VWF: variants seen among roughly 807,000 people sequenced by gnomAD.
The protein encoded by VWF is von Willebrand factor, also known as Factor VIII related antigen.
Under a neutral mutation model 308.6 loss-of-function variants are expected in VWF, and 176 were observed. The ratio of observed to expected loss-of-function variants is 0.57; its 90% CI spans 0.50 to 0.65. VWF has a LOEUF of 0.65. Ranked by LOEUF, VWF falls within the 30% of genes least tolerant of loss-of-function variation. VWF has a pLI of 0.00. For missense variants in VWF, 3,146 were observed against 3,648.2 expected (o/e 0.86, Z 3.55); for synonymous variants, 1,385 against 1,443.4 (o/e 0.96, Z 0.92).
intron 34 of VWF, among the ~76,000 whole-genome samples, chr12:6,000,743 C>G (rs1943862698): frequency 7.4e-6 from 1 of 134,382 alleles, no homozygotes; most frequent in Non-Finnish European, 1.5e-5. Flanking sequence ...ACCTGGGAGG[C>G]GGAGCTTGCA....
chr12:6,075,080 A>G lies in VWF; in HGVS notation c.874+255T>C, dbSNP rs1337388500. Among the ~76,000 whole-genome samples, 1 of 124,134 alleles carries G rather than the reference A, an allele frequency of 8.1e-6. No individual in the cohort carries two copies. Among genetic ancestry groups the G allele is most frequent in the East Asian group, 2.6e-4 (1 of 3,774 alleles). The allele number at this position is 124,134 out of a possible 152,430, so 81.4% of individuals were successfully genotyped here. Reference sequence around the variant, plus strand: ...TGCAGGGGTCGGATTTCCTGAGGGAAGTCAGGGGGCGCCAGGGGAGGCGTG... The same window carrying G: ...TGCAGGGGTCGGATTTCCTGAGGGAGGTCAGGGGGCGCCAGGGGAGGCGTG... On this transcript the variant is annotated intron_variant, in intron 7 of 51. Transcript: ENST00000261405. The surrounding 1 kb of genome is among the most constrained non-coding windows in gnomAD (Gnocchi z 4.7).
chr12:5,964,290 A>ACATACATACATACATG (rs1943371631), intron 47 of VWF, among the ~76,000 whole-genome samples: 1 of 151,586 alleles, frequency 6.6e-6, no homozygotes, highest in African/African-American at 2.4e-5. Flanking sequence ...ATACATGCAT[A>ACATACATACATACATG]CATACATACA....
intron 16 of VWF, among the ~76,000 whole-genome samples, chr12:6,047,974 T>C (rs1375445401): frequency 6.6e-6 from 1 of 152,212 alleles, no homozygotes; most frequent in Non-Finnish European, 1.5e-5. Context: ...CAGGTGTGAA[T>C]ACCTGACCTG....
intron 7 of VWF, among the ~76,000 whole-genome samples, chr12:6,073,950 T>C (rs1286363098): frequency 1.3e-5 from 2 of 152,088 alleles, no homozygotes; most frequent in African/African-American, 4.8e-5. Flanking sequence ...GTGAGGCCCT[T>C]ACCAAGACCC....
intron 34 of VWF, among the ~76,000 whole-genome samples, chr12:6,009,507 C>A (rs1439389813): frequency 2.6e-5 from 4 of 151,776 alleles, no homozygotes; most frequent in African/African-American, 4.8e-5. Context: ...GAAATTGAAA[C>A]CCTTGTGCAT....
Position 6,018,604 on chromosome 12 carries a change from T to C in VWF, c.4814A>G (p.Tyr1605Cys). 2 of 1,614,146 alleles carry C rather than the reference T, an allele frequency of 1.2e-6. No homozygotes were observed. Among genetic ancestry groups the C allele is most frequent in the Non-Finnish European group, 1.7e-6 (2 of 1,180,006 alleles). ...GDREQAPNLVYMVTGNPASDE... is the reference protein window; with the variant it reads ...GDREQAPNLVCMVTGNPASDE... ...AGAGGCAGGATTTCCGGTGACCATG[T>C]AGACCAGGTTGGGCGCCTGCTCCCG... Residue 1605 changes from tyrosine (Y) to cysteine (C), a missense_variant, in exon 28 of 52, where the codon TAC becomes TGC. Physicochemically the swap from Tyr to Cys is radical, Grantham distance 194. Transcript: ENST00000261405.
At chr12:5,980,094 GGAAGGAAGGAAGGA>G (rs1943582594) in intron 42 of VWF, among the ~76,000 whole-genome samples, 1 of 8,184 alleles carries the variant, frequency 1.2e-4, no homozygotes, top group Non-Finnish European at 3.1e-4. Flanking sequence ...AAGAAAGAAA[GGAAGGAAGGAAGGA>G]AGGAAGGAAG....
rs1356836169 is a variant in VWF at position 6,092,673 on chromosome 12, G to GTGTGTGTGTGTGTGTGTGTA, written c.657+2786_657+2787insTACACACACACACACACACA. 8.4e-4 allele frequency among the ~76,000 whole-genome samples: 104 copies of GTGTGTGTGTGTGTGTGTGTA among 123,708 alleles called. 5 individuals are homozygous for GTGTGTGTGTGTGTGTGTGTA. Among genetic ancestry groups the GTGTGTGTGTGTGTGTGTGTA allele is most frequent in the Non-Finnish European group, 1.0e-3 (62 of 61,598 alleles). The allele number at this position is 123,708 out of a possible 152,430, so 81.2% of individuals were successfully genotyped here. ...TGTGTGTGTGTGTGTGTGTGTGTGT[G>GTGTGTGTGTGTGTGTGTGTA]CTGACCAGCATTCCTTCCTGGTAAG... On this transcript the variant is annotated intron_variant, in intron 6 of 51. Transcript: ENST00000261405.
chr12:6,003,758 T>A lies in VWF; in HGVS notation c.5843-7536A>T, dbSNP rs139495464. On this transcript the variant is annotated intron_variant, in intron 34 of 51. Transcript: ENST00000261405. Reference sequence around the variant, plus strand: ...TTTCAGTTTCACAAGATGAAAGAAGTTCTGGCAATGGATGGTGGTGATGGT... The same window carrying A: ...TTTCAGTTTCACAAGATGAAAGAAGATCTGGCAATGGATGGTGGTGATGGT... Among the ~76,000 whole-genome samples, 950 of 151,964 alleles carry A rather than the reference T, an allele frequency of 6.3e-3. 37 individuals carry two copies. Among genetic ancestry groups the A allele is most frequent in the Admixed American group, 0.054 (831 of 15,256 alleles).
chr12:6,035,006 C>T (rs1944319403), intron 19 of VWF, among the ~76,000 whole-genome samples, 180 bp from the exon 20 acceptor site: 2 of 152,098 alleles, frequency 1.3e-5, no homozygotes, highest in East Asian at 3.9e-4. Flanking sequence ...AGTATGGTGC[C>T]CAGCAGGAGA....
At chr12:6,117,078 C>T (rs1263320054) in intron 3 of VWF, among the ~76,000 whole-genome samples, 1 of 152,162 alleles carries the variant, frequency 6.6e-6, no homozygotes, top group African/African-American at 2.4e-5. Flanking sequence ...AGAGGCAAAG[C>T]AGCCACCCAT....
At chr12:6,087,156 C>T (rs1451127482) in intron 6 of VWF, among the ~76,000 whole-genome samples, 1 of 152,072 alleles carries the variant, frequency 6.6e-6, no homozygotes, top group Admixed American at 6.6e-5. Context: ...GATGTGAGCT[C>T]CTGAGCCAGA....
chr12:6,022,376 C>T (rs1310896327), intron 26 of VWF, among the ~76,000 whole-genome samples: 3 of 152,076 alleles, frequency 2.0e-5, no homozygotes, highest in Admixed American at 6.6e-5. Flanking sequence ...TCACAAACTG[C>T]GTGTGGCTAT....
chr12:6,058,492 A>G lies in VWF; in HGVS notation c.1534-448T>C, dbSNP rs1019354297. ...TTACGTGCAAACTCAAGGCCCCTCT[A>G]TATAGAAAGACTTCGCGTTGGTCAC... On this transcript the variant is annotated intron_variant, in intron 13 of 51. Transcript: ENST00000261405. The surrounding 1 kb of genome is among the most constrained non-coding windows in gnomAD (Gnocchi z 4.9). Among the ~76,000 whole-genome samples the G allele has an allele frequency of 2.0e-5, 3 of 152,108 alleles. No individual in the cohort carries two copies. Among genetic ancestry groups the G allele is most frequent in the African/African-American group, 4.8e-5 (2 of 41,406 alleles).
intron 50 of VWF, among the ~76,000 whole-genome samples, chr12:5,950,652 G>A (rs1943178799): frequency 6.7e-6 from 1 of 148,990 alleles, no homozygotes; most frequent in African/African-American, 2.4e-5. Flanking sequence ...ATTACATTAA[G>A]AGGATGAATT....
intron 49 of VWF, chr12:5,952,185 G>A (rs2136339005): frequency 1.3e-6 from 1 of 763,702 alleles, no homozygotes; most frequent in Middle Eastern, 3.7e-4. Flanking sequence ...CTCCCTTAAG[G>A]AAAATATTTT....
intron 42 of VWF, 120 bp downstream of exon 42, chr12:5,981,666 T>C: frequency 8.6e-7 from 1 of 1,158,344 alleles, no homozygotes; most frequent in South Asian, 1.3e-5. Flanking sequence ...ACATGTTGCT[T>C]AGCAAATATT....
chr12:6,038,297 T>A (rs1360440154), intron 18 of VWF, among the ~76,000 whole-genome samples: 1 of 152,204 alleles, frequency 6.6e-6, no homozygotes, highest in Non-Finnish European at 1.5e-5. Context: ...ATCCCACGGA[T>A]GCCTTACAGT....
chr12:5,970,681 G>A (rs1943462411), intron 44 of VWF, among the ~76,000 whole-genome samples: 1 of 152,206 alleles, frequency 6.6e-6, no homozygotes, highest in South Asian at 2.1e-4. Flanking sequence ...TTATCACTGG[G>A]GAGGAGAAAG....
Sources: allele counts gnomAD v4.1 joint callset (sites outside exome capture counted in the v4.1 genomes callset), GRCh38; gene constraint gnomAD v4.1.1; non-coding constraint Gnocchi (gnomAD v3.1); transcripts MANE v1.5; gene names NCBI Gene and HGNC (gene_info 2026-07-23, HGNC 2026-07-21).